Variants in KCNH7 observed in about 807,000 individuals in gnomAD.
The protein encoded by KCNH7 is voltage-gated inwardly rectifying potassium channel KCNH7.
Under a neutral mutation model 120.8 loss-of-function variants are expected in KCNH7, and 49 were observed. That is an observed-to-expected ratio of 0.41 (90% confidence interval 0.32 to 0.51). KCNH7 has a LOEUF of 0.51. Among genes scored for constraint, KCNH7 ranks in the 20% least tolerant of loss-of-function variants. The pLI is 0.38. For missense variants in KCNH7, 1,097 were observed against 1,446.6 expected, an observed-to-expected ratio of 0.76 and a Z score of 3.92; for synonymous variants, 547 against 516.1, an observed-to-expected ratio of 1.06 and a Z score of -0.81.
rs1311527544 is a variant in KCNH7, at chr2:162,449,908, T to A, written c.1129-3465A>T. On this transcript the variant is annotated intron_variant, in intron 6 of 15. Transcript: ENST00000332142. ...TGAAAATAAAATATTTATAAAACAG[T>A]GAATTCAAACTCTCATTACTAACTC... is the stretch of plus-strand genomic sequence containing the variant. Among the ~76,000 whole-genome samples, 5 of 152,054 alleles carry A rather than the reference T, an allele frequency of 3.3e-5. No individual in the cohort carries two copies. In the East Asian group the frequency reaches 9.6e-4, roughly 29 times the overall value.
chr2:162,709,490 G>A (rs1028769038), intron 2 of KCNH7, among the ~76,000 whole-genome samples: 6 of 152,034 alleles, frequency 3.9e-5, no homozygotes, highest in Non-Finnish European at 8.8e-5. Flanking sequence ...GGTTTCATAA[G>A]GCAGAAGTTC....
chr2:162,671,869 A>G lies in KCNH7; in HGVS notation c.308-134789T>C, dbSNP rs553746472. On this transcript the variant is annotated intron_variant, in intron 2 of 15. Transcript: ENST00000332142. ...ACCTAAAACAATATCTAAAGATACT[A>G]GAGAAACTGGAGATTAATTGTTCAA... Among the ~76,000 whole-genome samples, 74 of 152,270 alleles carry G rather than the reference A, an allele frequency of 4.9e-4. 1 individual carries two copies. The highest frequency in any genetic ancestry group is 4.5e-3 in the Admixed American group (68 of 15,276).
chr2:162,640,233 G>C (rs183795257), intron 2 of KCNH7, among the ~76,000 whole-genome samples: 7 of 152,070 alleles, frequency 4.6e-5, no homozygotes, highest in Admixed American at 3.9e-4. Context: ...AAAGGAAGTA[G>C]AATAGTTTTA....
At chr2:162,546,547 G>A (rs1011559162) in intron 2 of KCNH7, among the ~76,000 whole-genome samples, 4 of 152,124 alleles carry the variant, frequency 2.6e-5, no homozygotes, top group African/African-American at 9.7e-5. Flanking sequence ...AAGCCGCAGT[G>A]AGAATCCTGG....
At chr2:162,477,249 T>C (rs1237653468) in intron 6 of KCNH7, among the ~76,000 whole-genome samples, 4 of 152,230 alleles carry the variant, frequency 2.6e-5, no homozygotes, top group Non-Finnish European at 1.5e-5. Context: ...CTTACTAACA[T>C]GGACTCACCC....
intron 9 of KCNH7, among the ~76,000 whole-genome samples, chr2:162,406,309 C>G (rs977164542): frequency 2.0e-5 from 3 of 151,758 alleles, no homozygotes; most frequent in Admixed American, 2.0e-4. Flanking sequence ...CTAATAGATA[C>G]CCCACATCTA....
intron 9 of KCNH7, among the ~76,000 whole-genome samples, chr2:162,414,442 G>A (rs1051460823): frequency 6.6e-5 from 10 of 151,144 alleles, no homozygotes; most frequent in Non-Finnish European, 1.2e-4. Flanking sequence ...ATTATATTAT[G>A]CATTATATAG....
chr2:162,372,186 T>G (rs1009013209), intron 15 of KCNH7, 91 bp from the exon 16 acceptor site: 3 of 1,034,220 alleles, frequency 2.9e-6, no homozygotes, highest in African/African-American at 3.2e-5. Context: ...GCATTTTCTT[T>G]CCTCATTAAT....
chr2:162,826,393 G>T (rs1413401200), intron 2 of KCNH7, among the ~76,000 whole-genome samples: 1 of 151,992 alleles, frequency 6.6e-6, no homozygotes, highest in African/African-American at 2.4e-5. Context: ...AACTGTGTTG[G>T]CATCAGGGAT....
At chr2:162,378,988 G>C (rs369109153) in intron 14 of KCNH7, among the ~76,000 whole-genome samples, 1 of 152,156 alleles carries the variant, frequency 6.6e-6, no homozygotes, top group Non-Finnish European at 1.5e-5. Flanking sequence ...TCAGAATTGG[G>C]GTAGTGCAAT....
At chr2:162,543,702 T>C (rs1692389029) in intron 2 of KCNH7, among the ~76,000 whole-genome samples, 1 of 152,142 alleles carries the variant, frequency 6.6e-6, no homozygotes, top group South Asian at 2.1e-4. Context: ...AGTGAATGAA[T>C]GACTTTGGAC....
At chr2:162,597,209 A>G (rs1406030454) in intron 2 of KCNH7, among the ~76,000 whole-genome samples, 1 of 152,076 alleles carries the variant, frequency 6.6e-6, no homozygotes, top group Non-Finnish European at 1.5e-5. Flanking sequence ...ATCCAAATGA[A>G]TTGAAATCGA....
At chr2:162,633,554 T>G (rs76350831) in intron 2 of KCNH7, among the ~76,000 whole-genome samples, 2 of 151,966 alleles carry the variant, frequency 1.3e-5, no homozygotes, top group African/African-American at 4.8e-5. Context: ...CATCAGATAA[T>G]ATTTTCATCT....
intron 5 of KCNH7, among the ~76,000 whole-genome samples, chr2:162,510,951 G>A (rs1691051974): frequency 6.6e-6 from 1 of 151,670 alleles, no homozygotes; most frequent in Non-Finnish European, 1.5e-5. Flanking sequence ...CCAATTTGGG[G>A]ATATAACTTC....
chr2:162,740,006 C>A (rs775411463), intron 2 of KCNH7, among the ~76,000 whole-genome samples: 1 of 152,094 alleles, frequency 6.6e-6, no homozygotes, highest in Non-Finnish European at 1.5e-5. Flanking sequence ...CAGACCAGTG[C>A]CCCAAGAGGC....
At chr2:162,813,006 A>G (rs951028561) in intron 2 of KCNH7, among the ~76,000 whole-genome samples, 1 of 152,044 alleles carries the variant, frequency 6.6e-6, no homozygotes, top group Non-Finnish European at 1.5e-5. Flanking sequence ...GTTGTTAAGA[A>G]TTTTTACATG....
chr2:162,557,290 T>G (rs1399054851), intron 2 of KCNH7, among the ~76,000 whole-genome samples: 1 of 152,232 alleles, frequency 6.6e-6, no homozygotes, highest in Non-Finnish European at 1.5e-5. Context: ...TTTCAGAGAA[T>G]GATGCCTAAG....
chr2:162,713,841 C>A (rs972202138), intron 2 of KCNH7, among the ~76,000 whole-genome samples: 1 of 152,006 alleles, frequency 6.6e-6, no homozygotes, highest in Non-Finnish European at 1.5e-5. Context: ...CTCTGCCTCC[C>A]GGGTTCAAGT....
intron 2 of KCNH7, among the ~76,000 whole-genome samples, chr2:162,832,506 T>C (rs745856094): frequency 2.0e-5 from 3 of 152,142 alleles, no homozygotes; most frequent in Non-Finnish European, 2.9e-5. Flanking sequence ...CAATTAATAA[T>C]AAATTTTGCA....
Sources: gnomAD v4.1 joint callset for allele counts (sites outside exome capture counted in the v4.1 genomes callset) on GRCh38, gnomAD v4.1.1 for gene constraint, MANE v1.5 for transcripts, NCBI Gene and HGNC (gene_info 2026-07-23, HGNC 2026-07-21) for gene names.